TIAM2: variants seen among roughly 807,000 people sequenced by gnomAD.
The protein encoded by TIAM2 is TIAM Rac1 associated GEF 2.
In TIAM2, 80 loss-of-function variants were observed where a neutral mutation model predicts 152.9. The observed-to-expected ratio is 0.52, with a 90% CI of 0.44 to 0.63. The LOEUF is 0.63. Ranked by LOEUF, TIAM2 falls within the 30% of genes least tolerant of loss-of-function variation. TIAM2 has a pLI of 0.00. For missense variants in TIAM2, 1,965 were observed against 2,120.1 expected, an observed-to-expected ratio of 0.93 and a Z score of 1.44; for synonymous variants, 804 against 838.0, an observed-to-expected ratio of 0.96 and a Z score of 0.70.
At chr6:155,183,112 A>C in intron 13 of TIAM2, 125 bp from the exon 14 acceptor site, 1 of 1,277,732 alleles carries the variant, frequency 7.8e-7, no homozygotes, top group Non-Finnish European at 1.1e-6. Context: ...ACTTTCTTTG[A>C]AGAAAGCAAC....
chr6:155,257,205 A>AC lies in TIAM2; in HGVS notation c.*84_*85insC, dbSNP rs1281957049. 5.6e-6 allele frequency: 8 copies of AC among 1,416,280 alleles called. No individual in the cohort carries two copies. Among genetic ancestry groups the AC allele is most frequent in the African/African-American group, 2.9e-5 (2 of 68,888 alleles). 87.7% of individuals were successfully genotyped at this position (1,416,280 alleles called of 1,614,324 possible). A position where few individuals can be genotyped will look rare whatever the true frequency, so the allele number is the denominator to read the frequency against. ...GTGGAAATTGCAAAAAAAAAAAAAA[A>AC]AAAAAACTGTTCATTCCTGGGTTTT... On this transcript the variant is annotated 3_prime_UTR_variant, in exon 27 of 27. Coordinates refer to ENST00000682666, the MANE Select transcript of TIAM2 (RefSeq NM_012454.4).
At chr6:155,244,621 G>A (rs747239946) in intron 17 of TIAM2, 37 bp from the exon 18 acceptor site, 13 of 1,607,854 alleles carry the variant, frequency 8.1e-6, no homozygotes, top group African/African-American at 1.3e-5. Flanking sequence ...GAACTTCATG[G>A]CTAATCCCCT....
chr6:155,165,257 C>T lies in TIAM2; in HGVS notation c.2215-6C>T, dbSNP rs373374326. ...TAGATTTTTTTTAAACTGTGTTTTA[C>T]ATTAGGTATGTTCTAGAGATGACTC... is the stretch of plus-strand genomic sequence containing the variant. On this transcript the variant is annotated splice_region_variant and splice_polypyrimidine_tract_variant and intron_variant, in intron 8 of 26. Transcript: ENST00000682666. 3.6e-5 allele frequency: 58 copies of T among 1,601,586 alleles called. No individual in the cohort carries two copies. The highest frequency in any genetic ancestry group is 1.7e-4 in the Middle Eastern group (1 of 6,018).
intron 2 of TIAM2, among the ~76,000 whole-genome samples, chr6:155,114,036 A>ATATTTTTTTTTTTT: frequency 4.3e-4 from 15 of 34,904 alleles, no homozygotes; most frequent in East Asian, 1.4e-3. Context: ...ATATATATAT[A>ATATTTTTTTTTTTT]TTTTTTTTTT....
intron 15 of TIAM2, among the ~76,000 whole-genome samples, chr6:155,234,871 A>G (rs1782665354): frequency 6.6e-6 from 1 of 152,240 alleles, no homozygotes; most frequent in East Asian, 1.9e-4. Context: ...CCCTGACCAC[A>G]TGGGAGGCAG....
At chr6:155,040,090 G>A (rs1776992509) in intron 1 of TIAM2, among the ~76,000 whole-genome samples, 1 of 152,092 alleles carries the variant, frequency 6.6e-6, no homozygotes, top group Non-Finnish European at 1.5e-5. Context: ...AAGTTTTAGA[G>A]GCATTTTCTG....
intron 2 of TIAM2, among the ~76,000 whole-genome samples, chr6:155,126,395 G>A (rs995356371): frequency 2.0e-5 from 3 of 152,126 alleles, no homozygotes; most frequent in African/African-American, 4.8e-5. Flanking sequence ...TGTCGGTGAC[G>A]GTTGTACAAC....
Position 155,200,638 on chromosome 6 carries a change from C to T in TIAM2, c.3065-10566C>T, listed in dbSNP as rs1482628778. Among the ~76,000 whole-genome samples, 4 of 152,300 alleles carry T rather than the reference C, an allele frequency of 2.6e-5. No homozygotes were observed. The East Asian group carries it at 5.8e-4, about 22-fold the overall frequency. On this transcript the variant is annotated intron_variant, in intron 14 of 26. Coordinates refer to ENST00000682666, the MANE Select transcript of TIAM2 (RefSeq NM_012454.4). The stretch of plus-strand genomic sequence containing the variant: ...CACTCTTCAAGGCCAGGGTCAGTCC[C>T]TCACGCCTGTAATCCCAGCACTTTG...
intron 1 of TIAM2, chr6:155,005,025 A>T (rs1778376034): frequency 1.9e-6 from 1 of 525,546 alleles, no homozygotes; most frequent in Non-Finnish European, 3.0e-6. Flanking sequence ...GAAGGCAGTC[A>T]TGGAGTAACC....
chr6:155,129,847 C>T lies in TIAM2; in HGVS notation c.624C>T (p.Thr208=), dbSNP rs1779399818. 1 of 1,613,694 alleles carries T rather than the reference C, an allele frequency of 6.2e-7. No homozygotes were observed. The highest frequency in any genetic ancestry group is 8.5e-7 in the Non-Finnish European group (1 of 1,180,040). The change falls in exon 4 of 27, where the codon ACC becomes ACT. Residue 208 remains threonine, a synonymous_variant. Coordinates refer to ENST00000682666, the MANE Select transcript of TIAM2 (RefSeq NM_012454.4). This position sits in a 1 kb window ranked among gnomAD's most constrained non-coding sequence, Gnocchi z 4.8. ...LRYSPTLASE[T]SPVPEARRGS... ...ACTCACCTACCTTAGCATCGGAAAC[C>T]TCCCCTGTGCCTGAAGCCAGGAGGG...
chr6:155,115,845 G>C (rs375709268), intron 2 of TIAM2, among the ~76,000 whole-genome samples: 2 of 152,206 alleles, frequency 1.3e-5, no homozygotes, highest in African/African-American at 4.8e-5. Context: ...TTGGTCAGGC[G>C]TGGTGGCTCA....
chr6:155,135,359 A>G (rs1370047180), intron 4 of TIAM2, among the ~76,000 whole-genome samples: 3 of 152,190 alleles, frequency 2.0e-5, no homozygotes, highest in Admixed American at 6.5e-5. Context: ...CCTTTAGTCA[A>G]TGGTCCTTGA....
At chr6:155,039,396 T>A (rs1339275821) in intron 1 of TIAM2, among the ~76,000 whole-genome samples, 1 of 152,030 alleles carries the variant, frequency 6.6e-6, no homozygotes, top group Non-Finnish European at 1.5e-5. Flanking sequence ...GAGTCTGAGA[T>A]GTAAGAAATT....
intron 15 of TIAM2, among the ~76,000 whole-genome samples, chr6:155,227,741 C>A (rs933264199): frequency 6.6e-6 from 1 of 152,174 alleles, no homozygotes; most frequent in Non-Finnish European, 1.5e-5. Context: ...GTTGGTTACA[C>A]CCCCGTCGAC....
intron 15 of TIAM2, among the ~76,000 whole-genome samples, chr6:155,223,590 C>T (rs544892432): frequency 5.3e-4 from 77 of 146,010 alleles, no homozygotes; most frequent in Admixed American, 1.3e-3. Context: ...AAACACCAAT[C>T]GCAGCATTAC....
chr6:155,114,036 ATTTTTT>A (rs869241399), intron 2 of TIAM2, among the ~76,000 whole-genome samples: 34 of 34,890 alleles, frequency 9.7e-4, no homozygotes, highest in African/African-American at 2.5e-3. Context: ...ATATATATAT[ATTTTTT>A]TTTTTTTCTT....
chr6:155,158,942 A>G (rs1216642411), intron 7 of TIAM2, among the ~76,000 whole-genome samples: 1 of 152,166 alleles, frequency 6.6e-6, no homozygotes, highest in Non-Finnish European at 1.5e-5. Flanking sequence ...AGAAAAAAAT[A>G]TCTCCAGAAA....
intron 3 of TIAM2, among the ~76,000 whole-genome samples, chr6:155,128,011 T>C (rs1048500842): frequency 2.6e-5 from 4 of 152,106 alleles, no homozygotes; most frequent in Non-Finnish European, 5.9e-5. Flanking sequence ...AAAAAAATTA[T>C]TTCAGAATCA....
At chr6:155,217,664 T>C (rs1302731690) in intron 15 of TIAM2, among the ~76,000 whole-genome samples, 1 of 152,272 alleles carries the variant, frequency 6.6e-6, no homozygotes, top group African/African-American at 2.4e-5. Flanking sequence ...TGTAATCACC[T>C]AGTGTCGCTT....
Sources: allele counts gnomAD v4.1 joint callset (sites outside exome capture counted in the v4.1 genomes callset), GRCh38; gene constraint gnomAD v4.1.1; non-coding constraint Gnocchi (gnomAD v3.1); transcripts MANE v1.5; gene names NCBI Gene and HGNC (gene_info 2026-07-23, HGNC 2026-07-21).